The following ITGB7 variants were observed in gnomAD, a reference collection of about 807,000 sequenced individuals.
The protein encoded by ITGB7 is integrin subunit beta 7, also known as integrin beta-7.
Under a neutral mutation model 83.4 loss-of-function variants are expected in ITGB7, and 55 were observed. The observed-to-expected ratio is 0.66, with a 90% CI of 0.53 to 0.83. The LOEUF (loss-of-function observed/expected upper bound fraction) is 0.83. ITGB7 is among the 40% of genes least tolerant of loss of function. The pLI, the probability that ITGB7 is intolerant of heterozygous loss-of-function variation, is 0.00. For synonymous variants in ITGB7, 454 were observed against 423.6 expected (o/e 1.07, Z -0.88); for missense variants, 921 against 1,046.7 (o/e 0.88, Z 1.66).
At chr12:53,198,019 AC>A in intron 3 of ITGB7, 68 bp from the exon 4 acceptor site, 1 of 1,310,842 alleles carries the variant, frequency 7.6e-7, no homozygotes. Flanking sequence ...TCCCAAAAAC[AC>A]CCTGCAAACC....
rs1258125128 is a variant in ITGB7 at position 53,193,012 on chromosome 12, C to G, written c.1727-102G>C. 3 of 1,364,562 alleles carry G rather than the reference C, an allele frequency of 2.2e-6. No homozygotes were observed. The Admixed American group carries it at 5.8e-5, about 26-fold the overall frequency. The allele number at this position is 1,364,562 out of a possible 1,614,324, so 84.5% of individuals were successfully genotyped here. On this transcript the variant is annotated intron_variant, in intron 12 of 15. Coordinates refer to ENST00000267082, the MANE Select transcript of ITGB7 (RefSeq NM_000889.3). Reference sequence around the variant, plus strand: ...CGCATCCAATCTTTTTGAAGTATGCCAACCACACCCTCTAACCCATACACC... The same window carrying G: ...CGCATCCAATCTTTTTGAAGTATGCGAACCACACCCTCTAACCCATACACC...
At position 53,195,365 on chromosome 12, in the gene ITGB7, G is replaced by C; in HGVS notation, c.1161+9C>G. 1 of 1,600,934 alleles carries C rather than the reference G, an allele frequency of 6.2e-7. No individual in the cohort carries two copies. Among genetic ancestry groups the C allele is most frequent in the Non-Finnish European group, 8.6e-7 (1 of 1,168,760 alleles). Reference sequence around the variant, plus strand: ...ACCCTCACCATCTCCCCTTCCCCTGGCCCCTCACATTATAAGCATCCATGA... The same window carrying C: ...ACCCTCACCATCTCCCCTTCCCCTGCCCCCTCACATTATAAGCATCCATGA... On this transcript the variant is annotated intron_variant, in intron 9 of 15. Transcript: ENST00000267082.
In ITGB7 at chr12:53,194,159, C is replaced by G. The variant is rs777227827; in HGVS notation, c.1308+39G>C. ...CCTGCTTAATTTCCCACTCCCACCT[C>G]CCCCTGCCCGCCTTCTGCCTGTGCT... On this transcript the variant is annotated intron_variant, in intron 10 of 15. Coordinates refer to ENST00000267082, the MANE Select transcript of ITGB7 (RefSeq NM_000889.3). 4 of 1,612,402 alleles carry G rather than the reference C, an allele frequency of 2.5e-6. No individual in the cohort carries two copies. In the South Asian group the frequency reaches 4.4e-5, roughly 18 times the overall value.
intron 1 of ITGB7, among the ~76,000 whole-genome samples, chr12:53,203,904 C>G (rs969314766): frequency 6.6e-6 from 1 of 152,068 alleles, no homozygotes; most frequent in African/African-American, 2.4e-5. Context: ...CAATTTCACT[C>G]TTAGGTATAT....
chr12:53,194,655 CAT>C, intron 9 of ITGB7: 1 of 286,294 alleles, frequency 3.5e-6, no homozygotes, highest in Non-Finnish European at 6.7e-6. Context: ...CATCAGGACA[CAT>C]AACCTGGGTG....
In ITGB7 at chr12:53,196,766, G is replaced by A; in HGVS notation, c.629C>T (p.Ser210Phe). The A allele has an allele frequency of 6.2e-7, 1 of 1,613,552 alleles. No individual in the cohort carries two copies. The highest frequency in any genetic ancestry group is 8.5e-7 in the Non-Finnish European group (1 of 1,179,568). Residue 210 changes from serine (S) to phenylalanine (F), a missense_variant, in exon 6 of 16, where the codon TCC becomes TTC. Physicochemically the swap from Ser to Phe is radical, Grantham distance 155 (BLOSUM62 -2). Transcript: ENST00000267082. ...GGTGGGGCAGGGGTGGCGCAGTTTG[G>A]AGGGTACTGTGCTCACAAAGGGCAG... ...TVLPFVSTVP[S>F]KLRHPCPTRL...
At position 53,196,585 on chromosome 12, in the gene ITGB7, G is replaced by A. The variant is rs761494908; in HGVS notation, c.810C>T (p.Leu270=). The A allele has an allele frequency of 1.2e-6, 2 of 1,610,174 alleles. No individual in the cohort carries two copies. The highest frequency in any genetic ancestry group is 2.2e-5 in the East Asian group (1 of 44,722). The change falls in exon 6 of 16, where the codon CTC becomes CTT. Residue 270 remains leucine, a synonymous_variant. Coordinates refer to ENST00000267082, the MANE Select transcript of ITGB7 (RefSeq NM_000889.3). ...GGFDAILQAA[L]CQEQIGWRNV... ...CCCCGCCCCACCTCCTCACCTGGCA[G>A]AGTGCAGCCTGCAGAATGGCATCGA... is the stretch of plus-strand genomic sequence containing the variant.
rs1182751116 is a variant in ITGB7, at chr12:53,197,944, G to A, written c.209C>T (p.Thr70Ile). The change falls in exon 4 of 16, where the codon ACC becomes ATC. Residue 70 changes from threonine to isoleucine, a missense_variant. Thr to Ile is a moderately conservative substitution (Grantham distance 89). Coordinates refer to ENST00000267082, the MANE Select transcript of ITGB7 (RefSeq NM_000889.3). The stretch of plus-strand genomic sequence containing the variant: ...CCGCGCCTCCGCCTCTCCCGACGCG[G>A]TGAAGTTCTGCTCAGCAAGAAAAGG... The part of the protein sequence containing the change: ...SCAWCKQLNF[T>I]ASGEAEARRC... The A allele has an allele frequency of 1.3e-5, 20 of 1,540,010 alleles. No individual in the cohort carries two copies. The highest frequency in any genetic ancestry group is 1.7e-5 in the Non-Finnish European group (19 of 1,150,538).
chr12:53,206,251 CCA>C (rs1942441087), intron 1 of ITGB7, among the ~76,000 whole-genome samples: 1 of 152,128 alleles, frequency 6.6e-6, no homozygotes, highest in Non-Finnish European at 1.5e-5. Context: ...TTTCTCTGCT[CCA>C]CTTCTTCATA....
chr12:53,193,634 G>T (rs1942050877), intron 11 of ITGB7, 74 bp downstream of exon 11: 2 of 1,296,302 alleles, frequency 1.5e-6, no homozygotes, highest in Non-Finnish European at 2.1e-6. Flanking sequence ...GGGATGGAAA[G>T]CAGCGGAGGA....
At chr12:53,200,171 T>G (rs907154608) in intron 3 of ITGB7, 72 bp downstream of exon 3, 7 of 1,299,962 alleles carry the variant, frequency 5.4e-6, no homozygotes, top group Non-Finnish European at 6.6e-6. Flanking sequence ...CACACATATA[T>G]CCAGGCTGCA....
chr12:53,200,178 TG>T, intron 3 of ITGB7, 64 bp downstream of exon 3: 1 of 1,355,564 alleles, frequency 7.4e-7, no homozygotes, highest in Non-Finnish European at 1.0e-6. Flanking sequence ...ATATCCAGGC[TG>T]CACATACATA....
intron 5 of ITGB7, chr12:53,197,185 T>C: frequency 3.6e-6 from 2 of 555,212 alleles, no homozygotes. Flanking sequence ...CAGGGAGACT[T>C]GCATCAGGGC....
chr12:53,194,123 A>G (rs555242867), intron 10 of ITGB7, 75 bp downstream of exon 10: 518 of 1,596,320 alleles, frequency 3.2e-4, no homozygotes, highest in Non-Finnish European at 4.3e-4. Context: ...CCTGCCACCC[A>G]TCTTTTCCTG....
intron 2 of ITGB7, 47 bp from the exon 3 acceptor site, chr12:53,200,493 C>T: frequency 6.6e-7 from 1 of 1,518,182 alleles, no homozygotes; most frequent in Non-Finnish European, 9.1e-7. Context: ...AGGGAGGACT[C>T]TCAAACTCTC....
rs761957404 is a variant in ITGB7, at chr12:53,197,658, G to T, written c.409C>A (p.Pro137Thr). The T allele has an allele frequency of 2.5e-6, 4 of 1,613,596 alleles. No individual in the cohort carries two copies. Among genetic ancestry groups the T allele is most frequent in the South Asian group, 1.1e-5 (1 of 91,040 alleles). ...RVRVTLRPGE[P>T]QQLQVRFLRA... is the part of the protein sequence containing the mutation. ...AGGAAGCGGACCTGGAGCTGCTGGG[G>T]CTCCCCTAGGGGGTGGGCGGCGGGC... The change falls in exon 5 of 16, where the codon CCC (proline) becomes ACC (threonine). Residue 137 changes from proline to threonine, a missense_variant. Pro to Thr is a conservative substitution (Grantham distance 38). Coordinates refer to ENST00000267082, the MANE Select transcript of ITGB7 (RefSeq NM_000889.3).
rs1941988974 is a variant in ITGB7 at position 53,192,428 on chromosome 12, C to T, written c.2057G>A (p.Gly686Asp). ...GTCCAGGGTCCGCTCTTTGCACCAG[C>T]CATCATCCAAGATAGGGGCCAAGGC... is the stretch of plus-strand genomic sequence containing the variant. ...TLALAPILDD[G>D]WCKERTLDNQ... The change falls in exon 14 of 16, where the codon GGC becomes GAC. Residue 686 changes from glycine to aspartate, a missense_variant. Physicochemically the swap from Gly to Asp is moderately conservative, Grantham distance 94 (BLOSUM62 -1). Transcript: ENST00000267082. 3 of 1,614,156 alleles carry T rather than the reference C, an allele frequency of 1.9e-6. No homozygotes were observed. Among genetic ancestry groups the T allele is most frequent in the Non-Finnish European group, 2.5e-6 (3 of 1,180,038 alleles).
intron 9 of ITGB7, 131 bp downstream of exon 9, chr12:53,195,243 T>C (rs545512713): frequency 1.0e-5 from 7 of 679,696 alleles, no homozygotes; most frequent in Non-Finnish European, 1.6e-5. Flanking sequence ...ATGCAGACTA[T>C]AGGTAGGAGC....
rs767363551 is a variant in ITGB7, at chr12:53,193,723, T to C, written c.1487A>G (p.Gln496Arg). Reference protein sequence around the residue: ...PHCSDGQGHLQCGVCSCAPGR... With the variant: ...PHCSDGQGHLRCGVCSCAPGR... Reference sequence around the variant, plus strand: ...AGGCCCTCACCTGCATACACCACATTGTAGGTGTCCCTGGCCATCACTGCA... The same window carrying C: ...AGGCCCTCACCTGCATACACCACATCGTAGGTGTCCCTGGCCATCACTGCA... Residue 496 changes from glutamine (Q) to arginine (R), a missense_variant, in exon 11 of 16, where the codon CAA becomes CGA. Coordinates refer to ENST00000267082, the MANE Select transcript of ITGB7 (RefSeq NM_000889.3). The C allele has an allele frequency of 6.2e-7, 1 of 1,612,896 alleles. No individual in the cohort carries two copies. Among genetic ancestry groups the C allele is most frequent in the South Asian group, 1.1e-5 (1 of 90,968 alleles).
Sources: gnomAD v4.1 joint callset for allele counts (sites outside exome capture counted in the v4.1 genomes callset) on GRCh38, gnomAD v4.1.1 for gene constraint, MANE v1.5 for transcripts, NCBI Gene and HGNC (gene_info 2026-07-23, HGNC 2026-07-21) for gene names.